The following NOMO1 variants were observed in gnomAD, a reference collection of about 807,000 sequenced individuals.
The protein encoded by NOMO1 is NODAL modulator 1.
Under a neutral mutation model 133.8 loss-of-function variants are expected in NOMO1, and 40 were observed. The observed-to-expected ratio is 0.30, with a 90% CI of 0.23 to 0.39. NOMO1 has a LOEUF of 0.39. NOMO1 is among the 10% of genes least tolerant of loss of function. NOMO1 has a pLI of 1.00. For synonymous variants in NOMO1, 236 were observed against 570.5 expected, an observed-to-expected ratio of 0.41 and a Z score of 8.36; for missense variants, 462 against 1,419.9, an observed-to-expected ratio of 0.33 and a Z score of 10.84.
At chr16:14,853,903 T>C (rs1486745685) in intron 8 of NOMO1, 34 bp from the exon 9 acceptor site, 1 of 1,611,086 alleles carries the variant, frequency 6.2e-7, no homozygotes, top group African/African-American at 1.3e-5. Flanking sequence ...ATCATGTTAG[T>C]GGTTCTTAGT....
intron 26 of NOMO1, among the ~76,000 whole-genome samples, chr16:14,883,651 G>A (rs1453566282): frequency 2.6e-5 from 4 of 151,190 alleles, no homozygotes; most frequent in South Asian, 2.1e-4. Context: ...TTTCCTTGAC[G>A]TCTTTACGGT....
At chr16:14,850,822 C>G (rs933471047) in intron 6 of NOMO1, among the ~76,000 whole-genome samples, 6 of 151,824 alleles carry the variant, frequency 4.0e-5, no homozygotes, top group African/African-American at 1.2e-4. Flanking sequence ...GTTGCTCATG[C>G]TGTAATTCCA....
chr16:14,850,940 C>T (rs1195066120), intron 6 of NOMO1, among the ~76,000 whole-genome samples: 1 of 149,968 alleles, frequency 6.7e-6, no homozygotes, highest in Non-Finnish European at 1.5e-5. Context: ...AAAAATTAGC[C>T]AGGAATGGTG....
At chr16:14,871,564 T>G in intron 16 of NOMO1, 57 bp from the exon 17 acceptor site, 1 of 1,610,494 alleles carries the variant, frequency 6.2e-7, no homozygotes, top group Non-Finnish European at 8.5e-7. Flanking sequence ...GATGTCGGAA[T>G]TGCTCGGTGT....
intron 15 of NOMO1, 25 bp from the exon 16 acceptor site, chr16:14,868,523 C>T (rs1272917814): frequency 1.2e-6 from 2 of 1,609,626 alleles, no homozygotes; most frequent in Non-Finnish European, 1.7e-6. Flanking sequence ...TCTTAGTAGT[C>T]ATTGTATTGG....
chr16:14,883,403 C>G (rs1964273966), intron 26 of NOMO1, among the ~76,000 whole-genome samples: 1 of 148,058 alleles, frequency 6.8e-6, no homozygotes, highest in Non-Finnish European at 1.5e-5. Flanking sequence ...GTGCCGTGAT[C>G]TCGGCTCACT....
At chr16:14,845,535 C>T (rs1320406310) in intron 4 of NOMO1, among the ~76,000 whole-genome samples, 4 of 151,854 alleles carry the variant, frequency 2.6e-5, no homozygotes, top group Admixed American at 6.6e-5. Flanking sequence ...TGGACCGCCA[C>T]GGTGGTGTGA....
chr16:14,837,558 T>C (rs376302047), intron 1 of NOMO1, among the ~76,000 whole-genome samples: 1 of 151,712 alleles, frequency 6.6e-6, no homozygotes, highest in East Asian at 2.0e-4. Context: ...AGAGGACAGA[T>C]ATTAAATGTC....
Position 14,889,102 on chromosome 16 carries a change from G to T in NOMO1, c.3331G>T (p.Val1111Phe), listed in dbSNP as rs142190205. The change falls in exon 29 of 31, where the codon GTT becomes TTT. Residue 1111 changes from valine to phenylalanine, a missense_variant. Transcript: ENST00000287667. ...TCTTCCCATGTGTGCACAGAACTAT[G>T]TTGTGCTTCTGGACTCCACACTCCC... ...PPLLRDGENY[V>F]VLLDSTLPRS... The T allele has an allele frequency of 2.8e-3, 4,517 of 1,611,792 alleles. 40 individuals carry two copies. Among genetic ancestry groups the T allele is most frequent in the Non-Finnish European group, 2.7e-3 (3,136 of 1,179,824 alleles).
At chr16:14,850,798 C>T (rs1963746979) in intron 6 of NOMO1, among the ~76,000 whole-genome samples, 1 of 151,702 alleles carries the variant, frequency 6.6e-6, no homozygotes, top group Non-Finnish European at 1.5e-5. Flanking sequence ...ATATTTTATT[C>T]AAGGCTGGGC....
chr16:14,885,222 G>A (rs1964306353), intron 27 of NOMO1, among the ~76,000 whole-genome samples: 1 of 151,996 alleles, frequency 6.6e-6, no homozygotes, highest in African/African-American at 2.4e-5. Flanking sequence ...ATTTGGGCAG[G>A]GACAAATATC....
chr16:14,856,663 C>T (rs1262797770), intron 9 of NOMO1, among the ~76,000 whole-genome samples: 1 of 151,888 alleles, frequency 6.6e-6, no homozygotes, highest in South Asian at 2.1e-4. Context: ...CTGCCTGCCT[C>T]GGCCTCCCAA....
At chr16:14,842,823 A>G (rs1963625815) in intron 3 of NOMO1, among the ~76,000 whole-genome samples, 2 of 150,290 alleles carry the variant, frequency 1.3e-5, no homozygotes, top group South Asian at 4.2e-4. Flanking sequence ...AACATTATGA[A>G]CTTTATCTGT....
At chr16:14,837,423 G>A (rs1567534855) in intron 1 of NOMO1, among the ~76,000 whole-genome samples, 3 of 152,122 alleles carry the variant, frequency 2.0e-5, no homozygotes, top group Admixed American at 6.5e-5. Context: ...TGAAGAAACC[G>A]AACACGAGCT....
chr16:14,855,664 AGAAG>A, intron 9 of NOMO1, among the ~76,000 whole-genome samples: 5 of 152,038 alleles, frequency 3.3e-5, no homozygotes, highest in African/African-American at 1.2e-4. Flanking sequence ...TAGCTTGCAG[AGAAG>A]GATGGGGGCA....
Position 14,865,075 on chromosome 16 carries a change from A to G in NOMO1, c.1589A>G (p.Glu530Gly). 6.4e-7 allele frequency: 1 copy of G among 1,568,928 alleles called. No individual in the cohort carries two copies. Among genetic ancestry groups the G allele is most frequent in the Non-Finnish European group, 8.7e-7 (1 of 1,146,570 alleles). The stretch of plus-strand genomic sequence containing the variant: ...CTACAGTCCCTGAGCCGCCAGGGTG[A>G]GAAGCGGAGCCTCCAGCTCTCCGGC... The part of the protein sequence containing the change: ...VTLQSLSRQG[E>G]KRSLQLSGKV... The change falls in exon 14 of 31, where the codon GAG becomes GGG. Residue 530 changes from glutamate to glycine, a missense_variant. Transcript: ENST00000287667.
chr16:14,850,358 G>A (rs1963740134), intron 6 of NOMO1, among the ~76,000 whole-genome samples: 1 of 151,882 alleles, frequency 6.6e-6, no homozygotes, highest in Non-Finnish European at 1.5e-5. Flanking sequence ...AGAGGGAGGA[G>A]GGGGACTTCG....
chr16:14,857,305 T>TGAA lies in NOMO1; in HGVS notation c.1053_1055dup (p.Leu351_Asn352insLys). 1 of 1,591,490 alleles carries TGAA rather than the reference T, an allele frequency of 6.3e-7. No individual in the cohort carries two copies. On this transcript the variant is annotated inframe_insertion, in exon 10 of 31. Transcript: ENST00000287667. ...GGTGTTCCAGAAGCAGTAGTCACCCTGAATAACCAAATCAAAGGTGGGCTG... is the reference window on the plus strand; with the variant it reads ...GGTGTTCCAGAAGCAGTAGTCACCCTGAAGAATAACCAAATCAAAGGTGGGCTG...
intron 12 of NOMO1, 71 bp from the exon 13 acceptor site, chr16:14,864,514 C>G (rs1963962693): frequency 5.6e-6 from 9 of 1,599,900 alleles, no homozygotes; most frequent in Non-Finnish European, 6.8e-6. Flanking sequence ...GATGAATGTT[C>G]TAGCGCCCTG....
Sources: gnomAD v4.1 joint callset for allele counts (sites outside exome capture counted in the v4.1 genomes callset) on GRCh38, gnomAD v4.1.1 for gene constraint, MANE v1.5 for transcripts, NCBI Gene and HGNC (gene_info 2026-07-23, HGNC 2026-07-21) for gene names.